The following ZBTB46 variants were observed in gnomAD, a reference collection of about 807,000 sequenced individuals.
The protein encoded by ZBTB46 is zinc finger and BTB domain containing 46, also known as zinc finger and BTB domain-containing protein 46.
In ZBTB46, 8 loss-of-function variants were observed where a neutral mutation model predicts 44.1. The ratio of observed to expected loss-of-function variants is 0.18; its 90% CI spans 0.11 to 0.33. The LOEUF (loss-of-function observed/expected upper bound fraction) is 0.33, where lower values mean the gene tolerates loss of function less well. ZBTB46 is among the 10% of genes least tolerant of loss of function. ZBTB46 has a pLI of 1.00. For synonymous variants in ZBTB46, 409 were observed against 382.3 expected, an observed-to-expected ratio of 1.07 and a Z score of -0.81; for missense variants, 651 against 847.7, an observed-to-expected ratio of 0.77 and a Z score of 2.88.
chr20:63,773,410 G>C (rs2092393330), intron 3 of ZBTB46, among the ~76,000 whole-genome samples: 1 of 152,012 alleles, frequency 6.6e-6, no homozygotes. Context: ...TTCTTGTAGG[G>C]ATGGGGTTTC....
chr20:63,803,613 T>G lies in ZBTB46; in HGVS notation c.-33-12823A>C. On this transcript the variant is annotated intron_variant, in intron 1 of 4. Coordinates refer to ENST00000245663, the MANE Select transcript of ZBTB46 (RefSeq NM_001369741.1). This position sits in a 1 kb window ranked among gnomAD's most constrained non-coding sequence, Gnocchi z 4.0. ...TCGGAGGCCCTGCCAGCCCCGCCCC[T>G]CCCTGCCCACTGGCCCCTTTCAGTT... The G allele has an allele frequency of 1.3e-6, 1 of 753,668 alleles. No individual in the cohort carries two copies. Among genetic ancestry groups the G allele is most frequent in the Non-Finnish European group, 1.6e-6 (1 of 623,228 alleles). The allele number at this position is 753,668 out of a possible 1,614,324, so 46.7% of individuals were successfully genotyped here.
intron 2 of ZBTB46, among the ~76,000 whole-genome samples, chr20:63,781,569 T>A (rs2092470195): frequency 6.6e-6 from 1 of 152,118 alleles, no homozygotes. Flanking sequence ...GGCAGGCGGA[T>A]CACCTGAGGT....
chr20:63,817,590 C>T (rs1185723478), intron 1 of ZBTB46, among the ~76,000 whole-genome samples: 1 of 151,628 alleles, frequency 6.6e-6, no homozygotes, highest in Non-Finnish European at 1.5e-5. Flanking sequence ...GTGGCACACG[C>T]CTGTAATCCC....
intron 2 of ZBTB46, among the ~76,000 whole-genome samples, chr20:63,778,322 T>C (rs1418487516): frequency 2.0e-5 from 3 of 152,218 alleles, no homozygotes; most frequent in Non-Finnish European, 4.4e-5. Context: ...CTCCCTCTAG[T>C]GGGGCTGTAT....
intron 2 of ZBTB46, among the ~76,000 whole-genome samples, chr20:63,784,308 C>T (rs1230332246): frequency 1.3e-5 from 2 of 152,190 alleles, no homozygotes. Flanking sequence ...CCCTCACTCC[C>T]CTCCCGGAGC....
At position 63,752,940 on chromosome 20, in the gene ZBTB46, C is replaced by A; in HGVS notation, c.1223-79G>T. 1 of 1,466,896 alleles carries A rather than the reference C, an allele frequency of 6.8e-7. No homozygotes were observed. The highest frequency in any genetic ancestry group is 9.1e-7 in the Non-Finnish European group (1 of 1,097,302). 90.9% of individuals were successfully genotyped at this position (1,466,896 alleles called of 1,614,324 possible). ...CGGCCCACAGACCACGGCTGCACGC[C>A]GCAGCCCAGCAGCCAGGACGGGCTG... On this transcript the variant is annotated intron_variant, in intron 3 of 4. Coordinates refer to ENST00000245663, the MANE Select transcript of ZBTB46 (RefSeq NM_001369741.1). The surrounding 1 kb of genome is among the most constrained non-coding windows in gnomAD (Gnocchi z 5.6).
intron 3 of ZBTB46, 148 bp from the exon 4 acceptor site, chr20:63,753,009 GC>G: frequency 1.2e-6 from 1 of 806,106 alleles, no homozygotes; most frequent in Non-Finnish European, 1.9e-6. Context: ...ACTGCGACAG[GC>G]CAGGCTCCCC....
At position 63,752,611 on chromosome 20, in the gene ZBTB46, C is replaced by T; in HGVS notation, c.1398+75G>A. The T allele has an allele frequency of 2.1e-6, 3 of 1,430,074 alleles. No individual in the cohort carries two copies. Among genetic ancestry groups the T allele is most frequent in the South Asian group, 2.9e-5 (2 of 69,758 alleles). The allele number at this position is 1,430,074 out of a possible 1,614,324, so 88.6% of individuals were successfully genotyped here. A position where few individuals can be genotyped will look rare whatever the true frequency, so the allele number is the denominator to read the frequency against. On this transcript the variant is annotated intron_variant, in intron 4 of 4. Transcript: ENST00000245663. This position sits in a 1 kb window ranked among gnomAD's most constrained non-coding sequence, Gnocchi z 5.6. ...GGTGTGGGGTCCGGGGCGGTCTGCGCCCTCATCAGGACCCGCCTGCCCGGA... is the reference window on the plus strand; with the variant it reads ...GGTGTGGGGTCCGGGGCGGTCTGCGTCCTCATCAGGACCCGCCTGCCCGGA...
At position 63,778,125 on chromosome 20, in the gene ZBTB46, T is replaced by C. The variant is rs560248493; in HGVS notation, c.938-2163A>G. ...CTGTGCTGATGGCTACAGGATGCTG[T>C]GAATATACCATACCAAAAACCTCTG... On this transcript the variant is annotated intron_variant, in intron 2 of 4. Transcript: ENST00000245663. Among the ~76,000 whole-genome samples the C allele has an allele frequency of 7.6e-5, 8 of 105,798 alleles. No homozygotes were observed. In the South Asian group the frequency reaches 2.5e-3, roughly 33 times the overall value. 69.4% of individuals were successfully genotyped at this position (105,798 alleles called of 152,430 possible). A position where few individuals can be genotyped will look rare whatever the true frequency, so the allele number is the denominator to read the frequency against.
chr20:63,803,390 A>G lies in ZBTB46; in HGVS notation c.-33-12600T>C. 1.0e-6 allele frequency: 1 copy of G among 985,370 alleles called. No individual in the cohort carries two copies. The highest frequency in any genetic ancestry group is 1.2e-6 in the Non-Finnish European group (1 of 829,904). The allele number at this position is 985,370 out of a possible 1,614,324, so 61.0% of individuals were successfully genotyped here. A position where few individuals can be genotyped will look rare whatever the true frequency, so the allele number is the denominator to read the frequency against. Reference sequence around the variant, plus strand: ...TTAAGTGAGCTCCTGACTAGAAAACACTCCAAGACATGTTAGCAGAGTCGT... The same window carrying G: ...TTAAGTGAGCTCCTGACTAGAAAACGCTCCAAGACATGTTAGCAGAGTCGT... On this transcript the variant is annotated intron_variant, in intron 1 of 4. Coordinates refer to ENST00000245663, the MANE Select transcript of ZBTB46 (RefSeq NM_001369741.1). This position sits in a 1 kb window ranked among gnomAD's most constrained non-coding sequence, Gnocchi z 4.0.
At chr20:63,768,830 G>A (rs1168311303) in intron 3 of ZBTB46, among the ~76,000 whole-genome samples, 2 of 152,134 alleles carry the variant, frequency 1.3e-5, no homozygotes, top group Non-Finnish European at 2.9e-5. Context: ...CTCCGAGTCG[G>A]GGGTTGGCCA....
chr20:63,779,323 C>G (rs1215914647), intron 2 of ZBTB46, among the ~76,000 whole-genome samples: 1 of 152,038 alleles, frequency 6.6e-6, no homozygotes, highest in Non-Finnish European at 1.5e-5. Context: ...TCACCGCAAC[C>G]TCCGCCTCCC....
intron 1 of ZBTB46, among the ~76,000 whole-genome samples, chr20:63,801,655 G>A (rs974013207): frequency 6.6e-6 from 1 of 152,198 alleles, no homozygotes; most frequent in Non-Finnish European, 1.5e-5. Context: ...CACTCCTGAA[G>A]CCAGCCAAGA....
intron 1 of ZBTB46, 115 bp from the exon 2 acceptor site, chr20:63,790,905 AC>A: frequency 2.9e-6 from 4 of 1,395,932 alleles, no homozygotes; most frequent in Non-Finnish European, 3.8e-6. Flanking sequence ...TGGGAGGACG[AC>A]CCACGCGAGA....
chr20:63,802,587 C>T (rs551387344), intron 1 of ZBTB46, among the ~76,000 whole-genome samples: 285 of 151,446 alleles, frequency 1.9e-3, no homozygotes, highest in South Asian at 3.8e-3. Context: ...CCAGAAACCG[C>T]GGCGGGCCGA....
In ZBTB46 at chr20:63,744,458, G is replaced by T. The variant is rs1362356732; in HGVS notation, c.*2472C>A. The T allele has an allele frequency of 1.3e-5, 2 of 151,864 alleles. No homozygotes were observed. Among genetic ancestry groups the T allele is most frequent in the Non-Finnish European group, 2.9e-5 (2 of 68,012 alleles). 9.4% of individuals were successfully genotyped at this position (151,864 alleles called of 1,614,324 possible). The stretch of plus-strand genomic sequence containing the variant: ...GGACTGTATTTCCCACTTTGGTGTT[G>T]TAAACACCAAAATACAAACAGACAC... On this transcript the variant is annotated 3_prime_UTR_variant, in exon 5 of 5. Transcript: ENST00000245663.
rs1225729332 is a variant in ZBTB46, at chr20:63,817,731, A to T, written c.-34+13366T>A. ...ACTCTGTCTCAAAAAAAAAAAAAAA[A>T]GGAAGAAGAAGAAAGAAGAGGAAAA... On this transcript the variant is annotated intron_variant, in intron 1 of 4. Coordinates refer to ENST00000245663, the MANE Select transcript of ZBTB46 (RefSeq NM_001369741.1). Among the ~76,000 whole-genome samples, 528 of 149,888 alleles carry T rather than the reference A, an allele frequency of 3.5e-3. 3 individuals carry two copies. Among genetic ancestry groups the T allele is most frequent in the Middle Eastern group, 6.8e-3 (2 of 292 alleles).
chr20:63,792,416 A>G (rs1325201721), intron 1 of ZBTB46, among the ~76,000 whole-genome samples: 2 of 126,992 alleles, frequency 1.6e-5, no homozygotes, highest in Non-Finnish European at 3.3e-5. Context: ...TGCAGCCCTC[A>G]TGGGGGACGG....
intron 1 of ZBTB46, among the ~76,000 whole-genome samples, chr20:63,802,556 G>A (rs2092654439): frequency 6.6e-6 from 1 of 151,902 alleles, no homozygotes; most frequent in African/African-American, 2.4e-5. Context: ...GAGAGGCCTG[G>A]AGCAGACCCC....
Sources: gnomAD v4.1 joint callset for allele counts (sites outside exome capture counted in the v4.1 genomes callset) on GRCh38, gnomAD v4.1.1 for gene constraint, Gnocchi (gnomAD v3.1) non-coding constraint, MANE v1.5 for transcripts, NCBI Gene and HGNC (gene_info 2026-07-23, HGNC 2026-07-21) for gene names.